PLD5: variants seen among roughly 807,000 people sequenced by gnomAD.
PLD5 encodes inactive phospholipase D5.
Under a neutral mutation model 61.1 loss-of-function variants are expected in PLD5, and 36 were observed. That is an observed-to-expected ratio of 0.59 (90% CI 0.45 to 0.78). The LOEUF (loss-of-function observed/expected upper bound fraction) is 0.78. Among genes scored for constraint, PLD5 ranks in the 30% least tolerant of loss-of-function variants. The pLI, the probability that PLD5 is intolerant of heterozygous loss-of-function variation, is 0.00. For synonymous variants in PLD5, 243 were observed against 242.8 expected, an observed-to-expected ratio of 1.00 and a Z score of -0.01; for missense variants, 515 against 644.4, an observed-to-expected ratio of 0.80 and a Z score of 2.17.
chr1:242,401,237 C>T (rs553241640), intron 1 of PLD5, among the ~76,000 whole-genome samples: 2 of 152,282 alleles, frequency 1.3e-5, no homozygotes, highest in East Asian at 3.9e-4. Context: ...ACCTCCAAAA[C>T]GTATTCCAAA....
At position 242,187,428 on chromosome 1, in the gene PLD5, T is replaced by C. The variant is rs999910146; in HGVS notation, c.735+32560A>G. On this transcript the variant is annotated intron_variant, in intron 5 of 9. Coordinates refer to ENST00000536534, the MANE Select transcript of PLD5 (RefSeq NM_001372062.1). ...GTTGCATAAAACAACCAAACTGATA[T>C]AATTAAGCCATTGTTCATTTTTGTT... is the stretch of plus-strand genomic sequence containing the variant. Among the ~76,000 whole-genome samples, 11 of 152,216 alleles carry C rather than the reference T, an allele frequency of 7.2e-5. No homozygotes were observed. In the South Asian group the frequency reaches 8.3e-4, roughly 11 times the overall value.
intron 1 of PLD5, among the ~76,000 whole-genome samples, chr1:242,451,196 A>C (rs961112356): frequency 1.3e-5 from 2 of 152,160 alleles, no homozygotes; most frequent in African/African-American, 4.8e-5. Context: ...CTACCGCAGC[A>C]TCAATGAAGC....
Position 242,113,410 on chromosome 1 carries a change from G to T in PLD5, c.1070+480C>A, listed in dbSNP as rs190590213. Among the ~76,000 whole-genome samples, 420 of 152,184 alleles carry T rather than the reference G, an allele frequency of 2.8e-3. 11 individuals are homozygous for T. The highest frequency in any genetic ancestry group is 0.025 in the Admixed American group (388 of 15,276). On this transcript the variant is annotated intron_variant, in intron 7 of 9. Coordinates refer to ENST00000536534, the MANE Select transcript of PLD5 (RefSeq NM_001372062.1). ...ACATGGCCTCTTTCTCCTTTACACT[G>T]AGAAGATATTATGAGAATTTGGCAT...
chr1:242,165,812 G>A (rs1197640154), intron 5 of PLD5, among the ~76,000 whole-genome samples: 1 of 152,100 alleles, frequency 6.6e-6, no homozygotes, highest in Non-Finnish European at 1.5e-5. Context: ...CCACCTACCT[G>A]ACTGGGTTCC....
chr1:242,241,206 C>A (rs1424905927), intron 4 of PLD5, among the ~76,000 whole-genome samples: 1 of 152,076 alleles, frequency 6.6e-6, no homozygotes, highest in African/African-American at 2.4e-5. Context: ...GCCTGTAGTA[C>A]TGATATGATG....
At chr1:242,309,588 G>GGTCTC in intron 2 of PLD5, among the ~76,000 whole-genome samples, 1 of 151,640 alleles carries the variant, frequency 6.6e-6, no homozygotes, top group South Asian at 2.1e-4. Flanking sequence ...TGGCCAGGCT[G>GGTCTC]GTCTCCAGCT....
At chr1:242,194,570 C>CTATCTATCTATG (rs1668483306) in intron 5 of PLD5, among the ~76,000 whole-genome samples, 1 of 77,856 alleles carries the variant, frequency 1.3e-5, no homozygotes, top group Non-Finnish European at 2.5e-5. Context: ...ATCTCTATAT[C>CTATCTATCTATG]TATCTATCTA....
chr1:242,117,878 T>C (rs1445684268), intron 6 of PLD5, among the ~76,000 whole-genome samples: 1 of 152,230 alleles, frequency 6.6e-6, no homozygotes, highest in Non-Finnish European at 1.5e-5. Flanking sequence ...CCTTAGCATG[T>C]TGGCTCTGCT....
At chr1:242,388,177 T>G (rs1662711226) in intron 1 of PLD5, among the ~76,000 whole-genome samples, 1 of 152,186 alleles carries the variant, frequency 6.6e-6, no homozygotes, top group African/African-American at 2.4e-5. Context: ...ACCATTAACC[T>G]AGACGATAGT....
At chr1:242,294,650 C>T (rs984191562) in intron 2 of PLD5, among the ~76,000 whole-genome samples, 7 of 152,276 alleles carry the variant, frequency 4.6e-5, no homozygotes, top group African/African-American at 1.7e-4. Context: ...TTACTAACCT[C>T]TTTCAATCTG....
At chr1:242,205,451 T>G (rs911049670) in intron 5 of PLD5, among the ~76,000 whole-genome samples, 7 of 152,030 alleles carry the variant, frequency 4.6e-5, no homozygotes, top group African/African-American at 1.2e-4. Context: ...TCCATATATT[T>G]TGTAAAAGAT....
chr1:242,229,406 T>C (rs1437318146), intron 4 of PLD5, among the ~76,000 whole-genome samples: 5 of 152,166 alleles, frequency 3.3e-5, no homozygotes, highest in Admixed American at 1.3e-4. Context: ...TAAAGCATAA[T>C]AAAATGGATA....
intron 1 of PLD5, among the ~76,000 whole-genome samples, chr1:242,348,920 G>C (rs1004533830): frequency 6.6e-6 from 1 of 152,166 alleles, no homozygotes; most frequent in Non-Finnish European, 1.5e-5. Context: ...TGGGCGTGGT[G>C]GCAGGCGCCT....
At chr1:242,323,710 G>A (rs939341872) in intron 2 of PLD5, among the ~76,000 whole-genome samples, 2 of 152,114 alleles carry the variant, frequency 1.3e-5, no homozygotes, top group African/African-American at 4.8e-5. Flanking sequence ...TACTCAGCAG[G>A]AAAGCACATT....
chr1:242,101,705 G>T (rs1660705730), intron 8 of PLD5, among the ~76,000 whole-genome samples: 1 of 152,204 alleles, frequency 6.6e-6, no homozygotes. Context: ...AAAAGGAGAT[G>T]TCATTTACAG....
At chr1:242,144,225 G>A (rs867660696) in intron 5 of PLD5, among the ~76,000 whole-genome samples, 1 of 118,938 alleles carries the variant, frequency 8.4e-6, no homozygotes, top group African/African-American at 3.1e-5. Context: ...CTGCAGGCTG[G>A]GAGCCACCAC....
At chr1:242,449,562 C>T (rs776431106) in intron 1 of PLD5, 52 of 1,420,218 alleles carry the variant, frequency 3.7e-5, no homozygotes, top group Middle Eastern at 2.5e-4. Context: ...AGAGAAAGGG[C>T]TGCAGCTTGC....
At chr1:242,326,883 C>T (rs1427666234) in intron 2 of PLD5, among the ~76,000 whole-genome samples, 3 of 149,616 alleles carry the variant, frequency 2.0e-5, no homozygotes, top group East Asian at 2.0e-4. Context: ...TTTTTTTTTC[C>T]GAGACAGAGT....
At chr1:242,294,840 C>T (rs984161592) in intron 2 of PLD5, among the ~76,000 whole-genome samples, 1 of 152,172 alleles carries the variant, frequency 6.6e-6, no homozygotes, top group African/African-American at 2.4e-5. Flanking sequence ...TCATAAAGCA[C>T]AGTTACTAAA....
Sources: gnomAD v4.1 joint callset for allele counts (sites outside exome capture counted in the v4.1 genomes callset) on GRCh38, gnomAD v4.1.1 for gene constraint, MANE v1.5 for transcripts, NCBI Gene and HGNC (gene_info 2026-07-23, HGNC 2026-07-21) for gene names.